Variants in SUPT3H observed in about 807,000 individuals in gnomAD.
The protein encoded by SUPT3H is SPT3 homolog, SAGA and STAGA complex component, also known as transcription initiation protein SPT3 homolog.
A neutral mutation model predicts 44.3 loss-of-function variants in SUPT3H; 44 were observed. That is an observed-to-expected ratio of 0.99 (90% CI 0.78 to 1.28). SUPT3H has a LOEUF of 1.28. SUPT3H is among the 50% of genes most tolerant of loss of function. The pLI, the probability that SUPT3H is intolerant of heterozygous loss-of-function variation, is 0.00. For missense variants in SUPT3H, 380 were observed against 387.1 expected (o/e 0.98, Z 0.15); for synonymous variants, 124 against 125.6 (o/e 0.99, Z 0.09).
chr6:44,812,683 A>C (rs149031841), intron 11 of SUPT3H, among the ~76,000 whole-genome samples: 4,651 of 152,298 alleles, frequency 0.031, 116 homozygotes, highest in Admixed American at 0.069. Context: ...TGAGAGAATA[A>C]GATAATGGAG....
intron 9 of SUPT3H, among the ~76,000 whole-genome samples, chr6:44,943,543 T>C (rs1454646962): frequency 6.6e-6 from 1 of 152,130 alleles, no homozygotes. Context: ...TTCAAGAATT[T>C]TGGTGAATTT....
At chr6:44,850,792 C>CTATCTATCTATT (rs1487579905) in intron 10 of SUPT3H, among the ~76,000 whole-genome samples, 3 of 150,718 alleles carry the variant, frequency 2.0e-5, no homozygotes, top group Admixed American at 6.6e-5. Context: ...ATCTATCTAT[C>CTATCTATCTATT]TATAAATGTA....
intron 2 of SUPT3H, among the ~76,000 whole-genome samples, chr6:45,336,638 T>A (rs1016818791): frequency 6.6e-6 from 1 of 151,408 alleles, no homozygotes; most frequent in African/African-American, 2.4e-5. Flanking sequence ...TACTCAGACG[T>A]ATTCAAACAA....
intron 2 of SUPT3H, among the ~76,000 whole-genome samples, chr6:45,213,215 A>G (rs1212602336): frequency 6.6e-6 from 1 of 152,256 alleles, no homozygotes; most frequent in Non-Finnish European, 1.5e-5. Flanking sequence ...GAGTTTGAGT[A>G]TGCATTGTTC....
intron 3 of SUPT3H, among the ~76,000 whole-genome samples, chr6:45,055,023 T>A (rs1023118011): frequency 6.6e-5 from 10 of 151,658 alleles, no homozygotes; most frequent in Non-Finnish European, 7.4e-5. Flanking sequence ...TTAAAAAAAA[T>A]TATTAAATTA....
At chr6:45,067,790 A>G (rs558948437) in intron 3 of SUPT3H, among the ~76,000 whole-genome samples, 6,035 of 141,114 alleles carry the variant, frequency 0.043, 544 homozygotes, top group African/African-American at 0.16. Context: ...TTAGAATGGC[A>G]ATCATTAAAA....
chr6:45,177,114 T>C (rs1177459739), intron 2 of SUPT3H, among the ~76,000 whole-genome samples: 4 of 152,050 alleles, frequency 2.6e-5, no homozygotes, highest in African/African-American at 9.7e-5. Flanking sequence ...GACGATCAAA[T>C]TACTCTGAGC....
chr6:45,164,234 C>T (rs1163351974), intron 2 of SUPT3H, among the ~76,000 whole-genome samples: 3 of 152,030 alleles, frequency 2.0e-5, no homozygotes, highest in South Asian at 2.1e-4. Context: ...ATTCATGGGG[C>T]ATCAAAAAGT....
intron 2 of SUPT3H, chr6:45,197,800 A>C (rs1390922322): frequency 3.5e-5 from 6 of 173,452 alleles, no homozygotes; most frequent in Non-Finnish European, 2.8e-5. Context: ...ACTTTGTTAG[A>C]TAATTGCTTT....
At chr6:45,345,198 T>C (rs967370683) in intron 2 of SUPT3H, among the ~76,000 whole-genome samples, 1 of 152,182 alleles carries the variant, frequency 6.6e-6, no homozygotes, top group African/African-American at 2.4e-5. Context: ...AAAGATAAGC[T>C]ATTACAATTT....
intron 3 of SUPT3H, among the ~76,000 whole-genome samples, chr6:45,074,208 A>T (rs1794728491): frequency 6.6e-6 from 1 of 152,038 alleles, no homozygotes; most frequent in Non-Finnish European, 1.5e-5. Context: ...TACCTAAAAA[A>T]TAATTAAATA....
chr6:45,259,418 T>G (rs925797378), intron 2 of SUPT3H, among the ~76,000 whole-genome samples: 8 of 152,158 alleles, frequency 5.3e-5, no homozygotes, highest in African/African-American at 1.9e-4. Context: ...ATGTGCTTTT[T>G]CTGTTTATGT....
chr6:44,887,997 A>C (rs754717158), intron 10 of SUPT3H, among the ~76,000 whole-genome samples: 1 of 152,122 alleles, frequency 6.6e-6, no homozygotes, highest in African/African-American at 2.4e-5. Context: ...ACACCTCTAC[A>C]CAAATAAACT....
chr6:44,953,044 C>T (rs1774551845), intron 9 of SUPT3H, among the ~76,000 whole-genome samples: 1 of 152,098 alleles, frequency 6.6e-6, no homozygotes. Flanking sequence ...TAAGAAATGC[C>T]TTGCAACTAT....
chr6:44,936,710 C>T (rs998989275), intron 9 of SUPT3H, among the ~76,000 whole-genome samples: 2 of 152,156 alleles, frequency 1.3e-5, no homozygotes, highest in South Asian at 2.1e-4. Context: ...CTCTGTCCCC[C>T]GGGCTGGAGT....
At chr6:45,199,072 T>TGA (rs1003560563) in intron 2 of SUPT3H, among the ~76,000 whole-genome samples, 19 of 151,366 alleles carry the variant, frequency 1.3e-4, no homozygotes, top group Admixed American at 4.6e-4. Context: ...TTGTCATCTT[T>TGA]AAAGACACAA....
At chr6:44,825,535 T>C (rs1767676502), downstream of SUPT3H, among the ~76,000 whole-genome samples, 1 of 152,174 alleles carries the variant, frequency 6.6e-6, no homozygotes, top group Non-Finnish European at 1.5e-5. Context: ...GCATAAGACA[T>C]TTAATCTGCT....
At chr6:44,825,108 G>A (rs1194259161), downstream of SUPT3H, among the ~76,000 whole-genome samples, 3 of 152,160 alleles carry the variant, frequency 2.0e-5, no homozygotes, top group African/African-American at 7.2e-5. Context: ...GGGAAATCTG[G>A]TCTTCAGAAA....
chr6:45,036,623 C>T (rs1202823546), intron 3 of SUPT3H, among the ~76,000 whole-genome samples: 1 of 151,946 alleles, frequency 6.6e-6, no homozygotes. Flanking sequence ...TGAAAAAATG[C>T]CTTCATAATC....
Sources: gnomAD v4.1 joint callset for allele counts (sites outside exome capture counted in the v4.1 genomes callset) on GRCh38, gnomAD v4.1.1 for gene constraint, MANE v1.5 for transcripts, NCBI Gene and HGNC (gene_info 2026-07-23, HGNC 2026-07-21) for gene names.